SGCZ: variants seen among roughly 807,000 people sequenced by gnomAD.
The protein encoded by SGCZ is sarcoglycan zeta, also known as zeta-sarcoglycan.
SGCZ carries 40 observed loss-of-function variants against 41.3 expected under a neutral mutation model. The observed-to-expected ratio is 0.97, with a 90% CI of 0.75 to 1.26. The LOEUF (loss-of-function observed/expected upper bound fraction) is 1.26. Among genes scored for constraint, SGCZ ranks in the 50% most tolerant of loss-of-function variants. The pLI is 0.00. For synonymous variants in SGCZ, 206 were observed against 137.5 expected (o/e 1.50, Z -3.49); for missense variants, 552 against 369.8 (o/e 1.49, Z -4.04).
chr8:14,676,764 C>A (rs1285493004), intron 1 of SGCZ, among the ~76,000 whole-genome samples: 1 of 152,026 alleles, frequency 6.6e-6, no homozygotes, highest in Non-Finnish European at 1.5e-5. Context: ...AAATCCAACA[C>A]CTGTTAGTGA....
At chr8:15,078,262 G>C (rs147468365) in intron 1 of SGCZ, among the ~76,000 whole-genome samples, 2 of 143,208 alleles carry the variant, frequency 1.4e-5, no homozygotes, top group African/African-American at 5.3e-5. Flanking sequence ...AGATTTCAGC[G>C]AACTAAGCAG....
At chr8:14,524,237 G>A (rs28541709) in intron 2 of SGCZ, among the ~76,000 whole-genome samples, 2,479 of 151,362 alleles carry the variant, frequency 0.016, 62 homozygotes, top group African/African-American at 0.058. Flanking sequence ...TTTTCCTCTG[G>A]CACCACAAGA....
intron 1 of SGCZ, among the ~76,000 whole-genome samples, chr8:14,913,372 A>T (rs1218367444): frequency 6.6e-6 from 1 of 152,104 alleles, no homozygotes; most frequent in Non-Finnish European, 1.5e-5. Context: ...ATATGGTCTT[A>T]GAGAGTCAAG....
At chr8:14,620,578 C>CA (rs1271835935) in intron 1 of SGCZ, among the ~76,000 whole-genome samples, 2 of 102,276 alleles carry the variant, frequency 2.0e-5, no homozygotes, top group South Asian at 3.1e-4. Flanking sequence ...ACGAAGAACT[C>CA]AAAAAAATTT....
intron 1 of SGCZ, among the ~76,000 whole-genome samples, chr8:15,178,741 T>C (rs1382127080): frequency 6.6e-6 from 1 of 152,108 alleles, no homozygotes; most frequent in Non-Finnish European, 1.5e-5. Context: ...TTCTATATAA[T>C]AGCCCAAATC....
At chr8:14,855,307 C>T (rs1803504771) in intron 1 of SGCZ, among the ~76,000 whole-genome samples, 1 of 152,144 alleles carries the variant, frequency 6.6e-6, no homozygotes, top group African/African-American at 2.4e-5. Context: ...GCTTTGGCCT[C>T]ACAAAGTGCT....
intron 2 of SGCZ, among the ~76,000 whole-genome samples, chr8:14,527,132 C>G (rs1030966352): frequency 6.6e-6 from 1 of 152,066 alleles, no homozygotes; most frequent in Non-Finnish European, 1.5e-5. Flanking sequence ...GCATACTCTT[C>G]CAAGGTTACC....
intron 1 of SGCZ, among the ~76,000 whole-genome samples, chr8:15,212,517 T>A (rs1801265644): frequency 1.3e-5 from 2 of 152,164 alleles, no homozygotes; most frequent in Non-Finnish European, 2.9e-5. Context: ...ATAGTATCTT[T>A]TGAATTTAAT....
At chr8:14,776,600 T>C (rs1273277265) in intron 1 of SGCZ, among the ~76,000 whole-genome samples, 1 of 150,870 alleles carries the variant, frequency 6.6e-6, no homozygotes, top group African/African-American at 2.4e-5. Flanking sequence ...TTCAGGCCAT[T>C]CTCCTGTCTC....
chr8:14,803,259 A>G (rs1234155429), intron 1 of SGCZ, among the ~76,000 whole-genome samples: 1 of 152,166 alleles, frequency 6.6e-6, no homozygotes, highest in Non-Finnish European at 1.5e-5. Context: ...TCCTGTCTAC[A>G]GCTCCCAGCG....
intron 2 of SGCZ, among the ~76,000 whole-genome samples, chr8:14,512,344 T>C (rs947421890): frequency 1.3e-5 from 2 of 152,204 alleles, no homozygotes; most frequent in Non-Finnish European, 2.9e-5. Context: ...CTCCAGCTTA[T>C]CATAAATTCT....
intron 2 of SGCZ, among the ~76,000 whole-genome samples, chr8:14,484,267 G>A (rs1585576755): frequency 6.6e-6 from 1 of 152,036 alleles, no homozygotes; most frequent in East Asian, 1.9e-4. Context: ...TATTAGTATG[G>A]CTCTGTATAA....
At chr8:15,118,181 C>A (rs1255638454) in intron 1 of SGCZ, among the ~76,000 whole-genome samples, 1 of 152,122 alleles carries the variant, frequency 6.6e-6, no homozygotes, top group Non-Finnish European at 1.5e-5. Flanking sequence ...AATTCAACAA[C>A]TAAATCAGAA....
chr8:15,009,575 C>A (rs1182409316), intron 1 of SGCZ, among the ~76,000 whole-genome samples: 1 of 152,122 alleles, frequency 6.6e-6, no homozygotes, highest in Non-Finnish European at 1.5e-5. Context: ...TGTCATATAA[C>A]AAGTGAGTGA....
chr8:14,952,849 T>C lies in SGCZ; in HGVS notation c.39+284736A>G, dbSNP rs57395165. ...AGAAATTAGAAGAAAGATGTCCTGA[T>C]ACAAAGTGTTCAGCACACCTTACTG... On this transcript the variant is annotated intron_variant, in intron 1 of 7. Coordinates refer to ENST00000382080, the MANE Select transcript of SGCZ (RefSeq NM_139167.4). 8.5e-5 allele frequency among the ~76,000 whole-genome samples: 13 copies of C among 152,288 alleles called. No individual in the cohort carries two copies. The East Asian group carries it at 2.5e-3, about 29-fold the overall frequency.
rs185889450 is a variant in SGCZ at position 14,121,506 on chromosome 8, C to T, written c.548-13271G>A. On this transcript the variant is annotated intron_variant, in intron 5 of 7. Coordinates refer to ENST00000382080, the MANE Select transcript of SGCZ (RefSeq NM_139167.4). ...AATATGTGATATCTTACCACACTTC[C>T]ATGCTTCTTTCAAATTATACAGGGT... Among the ~76,000 whole-genome samples, 855 of 152,216 alleles carry T rather than the reference C, an allele frequency of 5.6e-3. 6 individuals carry two copies. Among genetic ancestry groups the T allele is most frequent in the African/African-American group, 0.02 (814 of 41,538 alleles).
intron 1 of SGCZ, among the ~76,000 whole-genome samples, chr8:15,055,604 A>G (rs1204271206): frequency 6.6e-6 from 1 of 152,230 alleles, no homozygotes; most frequent in East Asian, 1.9e-4. Context: ...AGAAGGCCAG[A>G]GCCTGGGACC....
chr8:14,460,531 T>G (rs1161276970), intron 2 of SGCZ, among the ~76,000 whole-genome samples: 1 of 152,006 alleles, frequency 6.6e-6, no homozygotes, highest in Non-Finnish European at 1.5e-5. Context: ...ACATTGACAG[T>G]GGGAGAGGGT....
intron 1 of SGCZ, among the ~76,000 whole-genome samples, chr8:14,568,395 TAAAG>T (rs1221526534): frequency 5.8e-5 from 6 of 103,236 alleles, no homozygotes; most frequent in African/African-American, 2.0e-4. Flanking sequence ...AACTTAAATT[TAAAG>T]AAAGAAAGAA....
Sources: allele counts gnomAD v4.1 joint callset (sites outside exome capture counted in the v4.1 genomes callset), GRCh38; gene constraint gnomAD v4.1.1; transcripts MANE v1.5; gene names NCBI Gene and HGNC (gene_info 2026-07-23, HGNC 2026-07-21).